The following NCOR2 variants were observed in gnomAD, a reference collection of about 807,000 sequenced individuals.
NCOR2 encodes CTG repeat protein 26.
A neutral mutation model predicts 262.9 loss-of-function variants in NCOR2; 81 were observed. That is an observed-to-expected ratio of 0.31 (90% CI 0.26 to 0.37). The LOEUF (loss-of-function observed/expected upper bound fraction) is 0.37, where lower values mean the gene tolerates loss of function less well. Among genes scored for constraint, NCOR2 ranks in the 10% least tolerant of loss-of-function variants. The probability of loss-of-function intolerance (pLI) is 1.00; values close to 1 mark genes in which losing one functional copy is unlikely to be tolerated. For missense variants in NCOR2, 3,385 were observed against 3,621.4 expected (o/e 0.93, Z 1.68); for synonymous variants, 1,659 against 1,559.3 (o/e 1.06, Z -1.51).
At position 124,421,745 on chromosome 12, in the gene NCOR2, C is replaced by T. The variant is rs115785434; in HGVS notation, c.1383+756G>A. ...GCCTTTCTCCTCTGACCCCAAGATG[C>T]TGGGGGAAGGCCCAGGGGCCACGTC... On this transcript the variant is annotated intron_variant, in intron 12 of 46. Coordinates refer to ENST00000405201, the Ensembl canonical transcript of NCOR2. 6.7e-3 allele frequency among the ~76,000 whole-genome samples: 1,025 copies of T among 152,362 alleles called. 11 individuals carry two copies. The highest frequency in any genetic ancestry group is 0.024 in the African/African-American group (988 of 41,578).
chr12:124,500,051 G>A (rs2048614547), upstream of NCOR2, among the ~76,000 whole-genome samples: 1 of 152,170 alleles, frequency 6.6e-6, no homozygotes, highest in Admixed American at 6.5e-5. Flanking sequence ...ATACCGAGAG[G>A]TGCCTGGGGA....
intron 5 of NCOR2, among the ~76,000 whole-genome samples, chr12:124,458,071 G>A (rs1327668026): frequency 2.6e-5 from 4 of 152,238 alleles, no homozygotes; most frequent in Non-Finnish European, 5.9e-5. Context: ...AGGCTGGCAC[G>A]CGGGCGAGCC....
At chr12:124,449,979 G>C in intron 6 of NCOR2, 112 bp from the exon 9 acceptor site, 4 of 1,089,922 alleles carry the variant, frequency 3.7e-6, no homozygotes, top group African/African-American at 1.6e-5. Context: ...CTGGGTGAGG[G>C]CTCAGCCGCA....
intron 5 of NCOR2, among the ~76,000 whole-genome samples, chr12:124,464,874 T>A (rs982156732): frequency 1.3e-5 from 2 of 152,218 alleles, no homozygotes; most frequent in Non-Finnish European, 2.9e-5. Context: ...GTGTGGCCCC[T>A]TGGCTCTCCT....
chr12:124,544,259 T>C (rs530121872), intron 1 of NCOR2, among the ~76,000 whole-genome samples: 1 of 152,148 alleles, frequency 6.6e-6, no homozygotes, highest in Non-Finnish European at 1.5e-5. Context: ...TGAACTCAGG[T>C]TTAGCCCCAC....
intron 22 of NCOR2, among the ~76,000 whole-genome samples, chr12:124,357,488 G>A (rs1593192655): frequency 1.3e-5 from 2 of 152,286 alleles, no homozygotes; most frequent in South Asian, 2.1e-4. Flanking sequence ...TAGAGATGAG[G>A]TCTTGTTATG....
chr12:124,416,393 C>T (rs2042859669), intron 13 of NCOR2, among the ~76,000 whole-genome samples: 1 of 152,208 alleles, frequency 6.6e-6, no homozygotes, highest in Non-Finnish European at 1.5e-5. Context: ...TCTCATGCTC[C>T]CTGCCTTTGC....
chr12:124,339,108 A>G (rs1022678136), intron 37 of NCOR2, among the ~76,000 whole-genome samples: 1 of 121,376 alleles, frequency 8.2e-6, no homozygotes, highest in African/African-American at 3.1e-5. Context: ...CCTCCCACCT[A>G]CCTACCTACT....
intron 7 of NCOR2, among the ~76,000 whole-genome samples, chr12:124,438,249 C>G (rs368695807): frequency 1.9e-3 from 294 of 152,262 alleles, no homozygotes; most frequent in African/African-American, 6.8e-3. Context: ...TTCCCAGAGC[C>G]GAGGGGCCTG....
At chr12:124,510,967 C>G (rs1477565254) in intron 1 of NCOR2, among the ~76,000 whole-genome samples, 2 of 152,228 alleles carry the variant, frequency 1.3e-5, no homozygotes, top group Non-Finnish European at 2.9e-5. Flanking sequence ...CCCCACAGCC[C>G]CAAACACAAG....
chr12:124,495,174 G>A lies in NCOR2; in HGVS notation c.78C>T (p.Tyr26=), dbSNP rs2048319832. Residue 26 remains tyrosine, a synonymous_variant, in exon 1 of 47, where the codon TAC becomes TAT. Coordinates refer to ENST00000405201, the Ensembl canonical transcript of NCOR2. The surrounding 1 kb of genome is among the most constrained non-coding windows in gnomAD (Gnocchi z 4.4). The stretch of plus-strand genomic sequence containing the variant: ...TGTGCGTCCGGGCGATCTGCACTGG[G>A]TAGGAAAGGCTGTGGGGCGGGTAGC... The A allele has an allele frequency of 6.2e-7, 1 of 1,614,016 alleles. No homozygotes were observed. Among genetic ancestry groups the A allele is most frequent in the African/African-American group, 1.3e-5 (1 of 75,038 alleles).
chr12:124,439,994 C>A (rs536597880), intron 7 of NCOR2, among the ~76,000 whole-genome samples: 5 of 151,952 alleles, frequency 3.3e-5, no homozygotes, highest in African/African-American at 1.2e-4. Context: ...ACCCCAGGAC[C>A]GTCCTCTTCT....
intron 41 of NCOR2, among the ~76,000 whole-genome samples, chr12:124,333,489 A>AT (rs549652107): frequency 2.3e-3 from 347 of 151,908 alleles, no homozygotes; most frequent in African/African-American, 7.8e-3. Context: ...ATGTAAAATC[A>AT]TTTTTTTAGT....
At chr12:124,441,314 G>A (rs897024593) in intron 7 of NCOR2, among the ~76,000 whole-genome samples, 10 of 152,184 alleles carry the variant, frequency 6.6e-5, no homozygotes, top group African/African-American at 1.2e-4. Context: ...GAAGGTTTCC[G>A]GCTGCCAGAG....
chr12:124,355,872 C>T (rs2037911843), intron 23 of NCOR2, among the ~76,000 whole-genome samples: 1 of 152,178 alleles, frequency 6.6e-6, no homozygotes, highest in South Asian at 2.1e-4. Flanking sequence ...TAGCCCCTTC[C>T]CCTTATAGGA....
chr12:124,542,013 T>C (rs928293516), intron 1 of NCOR2, among the ~76,000 whole-genome samples: 24 of 151,266 alleles, frequency 1.6e-4, no homozygotes, highest in Non-Finnish European at 8.9e-5. Flanking sequence ...CATAACTGAG[T>C]AGGAACAGTG....
chr12:124,373,361 AATC>A (rs72338984), intron 19 of NCOR2, among the ~76,000 whole-genome samples: 11 of 33,408 alleles, frequency 3.3e-4, no homozygotes, highest in Admixed American at 4.5e-4. Flanking sequence ...CACAGTGGAC[AATC>A]ATGAGGCCAG....
chr12:124,372,321 TG>T lies in NCOR2; in HGVS notation c.2507del (p.Pro836GlnfsTer128). The T allele has an allele frequency of 6.6e-7, 1 of 1,525,152 alleles. No homozygotes were observed. The highest frequency in any genetic ancestry group is 8.8e-7 in the Non-Finnish European group (1 of 1,140,750). 94.5% of individuals were successfully genotyped at this position (1,525,152 alleles called of 1,614,324 possible). On this transcript the variant is annotated frameshift_variant, in exon 20 of 47. Transcript: ENST00000405201. LOFTEE classifies it high-confidence loss of function. ...GCTTCTGCTCCTCCCCCTCCTCCAC[TG>T]GGGGCGCTGCTGCGGTCTCCTCCTC...
intron 16 of NCOR2, chr12:124,388,794 G>A (rs977813915): frequency 1.5e-6 from 2 of 1,301,638 alleles, no homozygotes; most frequent in African/African-American, 1.5e-5. Context: ...GGCCGCGGTC[G>A]GCTCTGCGAG....
Sources: allele counts gnomAD v4.1 joint callset (sites outside exome capture counted in the v4.1 genomes callset), GRCh38; gene constraint gnomAD v4.1.1; non-coding constraint Gnocchi (gnomAD v3.1); transcripts MANE v1.5; gene names NCBI Gene and HGNC (gene_info 2026-07-23, HGNC 2026-07-21).